The following ASGR1 variants were observed in gnomAD, a reference collection of about 807,000 sequenced individuals.
ASGR1 encodes the protein asialoglycoprotein receptor 1.
A neutral mutation model predicts 33.1 loss-of-function variants in ASGR1; 35 were observed. The ratio of observed to expected loss-of-function variants is 1.06; its 90% CI spans 0.81 to 1.40. The LOEUF (loss-of-function observed/expected upper bound fraction) is 1.40. Ranked by LOEUF, ASGR1 falls within the 40% of genes most tolerant of loss-of-function variation. The pLI is 0.00. For synonymous variants in ASGR1, 142 were observed against 152.5 expected (o/e 0.93, Z 0.51); for missense variants, 396 against 373.7 (o/e 1.06, Z -0.49).
chr17:7,176,178 T>C (rs2069202179), intron 5 of ASGR1, among the ~76,000 whole-genome samples: 2 of 130,848 alleles, frequency 1.5e-5, no homozygotes, highest in South Asian at 2.7e-4. Flanking sequence ...CCCCATCTCA[T>C]TCTCACACTC....
rs548562102 is a variant in ASGR1, at chr17:7,175,346, A to C, written c.356-886T>G. ...CGACACACACAACACACCTTCACCC[A>C]CACACACACACAACACACCCTCACC... On this transcript the variant is annotated intron_variant, in intron 5 of 8. Coordinates refer to ENST00000269299, the MANE Select transcript of ASGR1 (RefSeq NM_001671.5). Among the ~76,000 whole-genome samples the C allele has an allele frequency of 1.4e-4, 19 of 139,480 alleles. No homozygotes were observed. The East Asian group carries it at 3.2e-3, about 24-fold the overall frequency. 91.5% of individuals were successfully genotyped at this position (139,480 alleles called of 152,430 possible). A position where few individuals can be genotyped will look rare whatever the true frequency, so the allele number is the denominator to read the frequency against.
Position 7,177,101 on chromosome 17 carries a change from A to G in ASGR1, c.188-25T>C, listed in dbSNP as rs551873737. On this transcript the variant is annotated intron_variant, in intron 3 of 8. Transcript: ENST00000269299. The stretch of plus-strand genomic sequence containing the variant: ...TCTGGCCAGGACAGCGTGCAGAGAG[A>G]AGAAAACGGGATCGCTGTGTCCGCC... The G allele has an allele frequency of 1.1e-4, 180 of 1,613,610 alleles. 1 individual carries two copies. In the East Asian group the frequency reaches 3.9e-3, roughly 35 times the overall value.
At chr17:7,175,080 C>T (rs1182218396) in intron 5 of ASGR1, among the ~76,000 whole-genome samples, 1 of 149,246 alleles carries the variant, frequency 6.7e-6, no homozygotes, top group Admixed American at 6.7e-5. Context: ...CACCGTAACC[C>T]ACATACACAG....
intron 5 of ASGR1, among the ~76,000 whole-genome samples, chr17:7,175,153 AACACAC>A (rs150561591): frequency 4.1e-5 from 6 of 147,788 alleles, no homozygotes. Flanking sequence ...ACACACACAA[AACACAC>A]ACACAATACA....
chr17:7,177,438 T>C (rs1333350293), intron 2 of ASGR1, 112 bp from the exon 3 acceptor site: 3 of 799,552 alleles, frequency 3.8e-6, no homozygotes, highest in African/African-American at 3.5e-5. Flanking sequence ...GGAGGAACCA[T>C]GTACATGAAG....
rs535062030 is a variant in ASGR1 at position 7,176,282 on chromosome 17, A to G, written c.355+548T>C. ...ATTCTCACACTCACTCACACACCCC[A>G]TCTCATTCTCACACTCACAGACTCA... On this transcript the variant is annotated intron_variant, in intron 5 of 8. Coordinates refer to ENST00000269299, the MANE Select transcript of ASGR1 (RefSeq NM_001671.5). Among the ~76,000 whole-genome samples the G allele has an allele frequency of 3.5e-3, 430 of 122,160 alleles. 4 individuals carry two copies. The highest frequency in any genetic ancestry group is 0.014 in the African/African-American group (411 of 29,080). 80.1% of individuals were successfully genotyped at this position (122,160 alleles called of 152,430 possible). A position where few individuals can be genotyped will look rare whatever the true frequency, so the allele number is the denominator to read the frequency against.
Position 7,174,157 on chromosome 17 carries a change from A to G in ASGR1, c.575T>C (p.Val192Ala). 6.2e-7 allele frequency: 1 copy of G among 1,614,040 alleles called. No homozygotes were observed. Among genetic ancestry groups the G allele is most frequent in the Non-Finnish European group, 8.5e-7 (1 of 1,179,978 alleles). ...CCTCACCTGCTCCTCCCAGGACGTG[A>G]CCACCACCAGGTGCGCGTCCTCCAG... ...CRLEDAHLVV[V>A]TSWEEQKFVQ... The change falls in exon 7 of 9, where the codon GTC (valine) becomes GCC (alanine). Residue 192 changes from valine to alanine, a missense_variant. Transcript: ENST00000269299.
In ASGR1 at chr17:7,176,175, TCA is replaced by T. The variant is rs1356379810; in HGVS notation, c.355+653_355+654del. Among the ~76,000 whole-genome samples the T allele has an allele frequency of 2.9e-5, 4 of 138,890 alleles. No individual in the cohort carries two copies. The South Asian group carries it at 9.7e-4, about 34-fold the overall frequency. The allele number at this position is 138,890 out of a possible 152,430, so 91.1% of individuals were successfully genotyped here. A position where few individuals can be genotyped will look rare whatever the true frequency, so the allele number is the denominator to read the frequency against. ...CTCACACACAGACACACACCCCATC[TCA>T]TTCTCACACTCACACACACCCCATC... On this transcript the variant is annotated intron_variant, in intron 5 of 8. Transcript: ENST00000269299.
chr17:7,177,244 C>A lies in ASGR1; in HGVS notation c.153G>T (p.Leu51=), dbSNP rs368983212. The A allele has an allele frequency of 6.8e-6, 11 of 1,613,478 alleles. No homozygotes were observed. The highest frequency in any genetic ancestry group is 9.3e-6 in the Non-Finnish European group (11 of 1,179,956). The part of the protein sequence containing the change: ...LLLLSLGLSL[L]LLVVVCVIGS... ...CGATCACACAGACAACCACAAGCAG[C>A]AGGAGGCTGAGGCCCAGGGAGAGCA... Residue 51 remains leucine (L), a synonymous_variant, in exon 3 of 9, where the codon CTG becomes CTT. Transcript: ENST00000269299.
At chr17:7,174,321 G>A (rs2069168686) in intron 6 of ASGR1, 32 bp from the exon 7 acceptor site, 1 of 1,613,616 alleles carries the variant, frequency 6.2e-7, no homozygotes, top group African/African-American at 1.3e-5. Flanking sequence ...CAGGGGCTAA[G>A]CGCTGCCCAG....
intron 5 of ASGR1, among the ~76,000 whole-genome samples, chr17:7,175,782 C>G (rs1483199545): frequency 2.9e-5 from 4 of 139,088 alleles, no homozygotes; most frequent in Non-Finnish European, 5.9e-5. Flanking sequence ...CACACAGGCT[C>G]TCACACACAC....
In ASGR1 at chr17:7,173,599, C is replaced by CAGAT. The variant is rs1164504900; in HGVS notation, c.*56_*59dup. ...TTCCCGAGAAAGCAGAAGAGGCCCC[C>CAGAT]AGATGGGCGGATTCCCAATCCCGGA... On this transcript the variant is annotated 3_prime_UTR_variant, in exon 9 of 9. Coordinates refer to ENST00000269299, the MANE Select transcript of ASGR1 (RefSeq NM_001671.5). The surrounding 1 kb of genome is among the most constrained non-coding windows in gnomAD (Gnocchi z 4.7). The CAGAT allele has an allele frequency of 1.2e-6, 2 of 1,604,984 alleles. No homozygotes were observed. Among genetic ancestry groups the CAGAT allele is most frequent in the Non-Finnish European group, 1.7e-6 (2 of 1,176,396 alleles).
chr17:7,177,412 C>T lies in ASGR1; in HGVS notation c.71-86G>A, dbSNP rs546423057. The T allele has an allele frequency of 2.1e-4, 230 of 1,116,638 alleles. 1 individual carries two copies. Among genetic ancestry groups the T allele is most frequent in the East Asian group, 2.0e-3 (79 of 40,488 alleles). 69.2% of individuals were successfully genotyped at this position (1,116,638 alleles called of 1,614,324 possible). ...GTCCTAAAAGGGTAGCAAGCTAAGGCGGCCCTAGTAGTCTAGGAGGAACCA... is the reference window on the plus strand; with the variant it reads ...GTCCTAAAAGGGTAGCAAGCTAAGGTGGCCCTAGTAGTCTAGGAGGAACCA... On this transcript the variant is annotated intron_variant, in intron 2 of 8. Coordinates refer to ENST00000269299, the MANE Select transcript of ASGR1 (RefSeq NM_001671.5).
Position 7,178,733 on chromosome 17 carries a change from C to CTTTTTTTTTTTTTTTTTTT in ASGR1, c.-25-146_-25-145insAAAAAAAAAAAAAAAAAAA, listed in dbSNP as rs1037452405. On this transcript the variant is annotated intron_variant, in intron 1 of 8. Coordinates refer to ENST00000269299, the MANE Select transcript of ASGR1 (RefSeq NM_001671.5). ...TCTTTCTTTTCTTTTTCTTTTTTTT[C>CTTTTTTTTTTTTTTTTTTT]TTTTCTTTTTTTTTTTTTTTTTGAG... 1.0e-4 allele frequency: 20 copies of CTTTTTTTTTTTTTTTTTTT among 193,100 alleles called. 2 individuals are homozygous for CTTTTTTTTTTTTTTTTTTT. The highest frequency in any genetic ancestry group is 2.1e-4 in the African/African-American group (5 of 24,328). 12.0% of individuals were successfully genotyped at this position (193,100 alleles called of 1,614,324 possible).
chr17:7,177,129 C>A, intron 3 of ASGR1, 53 bp from the exon 4 acceptor site: 1 of 1,612,906 alleles, frequency 6.2e-7, no homozygotes, highest in Non-Finnish European at 8.5e-7. Context: ...TGTCCGCCAC[C>A]ACTGCACCCA....
Position 7,176,860 on chromosome 17 carries a change from G to A in ASGR1, c.325C>T (p.Leu109=), listed in dbSNP as rs1015563071. The A allele has an allele frequency of 1.2e-6, 2 of 1,612,660 alleles. No homozygotes were observed. Among genetic ancestry groups the A allele is most frequent in the Non-Finnish European group, 8.5e-7 (1 of 1,179,942 alleles). The part of the protein sequence containing the change: ...GRKMKSLESQ[L]EKQQKDLSED... ...CTCAGGTCCTTCTGCTGTTTCTCCAGCTGGGACTCTAGCGACTTCATCTTT... is the reference window on the plus strand; with the variant it reads ...CTCAGGTCCTTCTGCTGTTTCTCCAACTGGGACTCTAGCGACTTCATCTTT... Residue 109 remains leucine (L), a synonymous_variant, in exon 5 of 9, where the codon CTG becomes TTG. Transcript: ENST00000269299.
In ASGR1 at chr17:7,174,269, G is replaced by A. The variant is rs2069168039; in HGVS notation, c.463C>T (p.Pro155Ser). 6.2e-7 allele frequency: 1 copy of A among 1,614,084 alleles called. No individual in the cohort carries two copies. The highest frequency in any genetic ancestry group is 8.5e-7 in the Non-Finnish European group (1 of 1,179,960). The change falls in exon 7 of 9, where the codon CCG becomes TCG. Residue 155 changes from proline (P) to serine (S), a missense_variant. Physicochemically the swap from Pro to Ser is moderately conservative, Grantham distance 74. Transcript: ENST00000269299. ...QGNGSERTCCPVNWVEHERSC... is the reference protein window; with the variant it reads ...QGNGSERTCCSVNWVEHERSC... ...CGCTCGTGCTCCACCCAGTTGACCG[G>A]GCAGCAGGTCCTTTCTGAGCCTGAG...
Position 7,178,492 on chromosome 17 carries a change from A to G in ASGR1, c.70+2T>C. The G allele has an allele frequency of 6.2e-7, 1 of 1,613,914 alleles. No individual in the cohort carries two copies. ...GCAGAGGCAGGGCAAGGTGGCCCTC[A>G]CCTTTTCTGAGCTGATGGTGGTCAC... On this transcript the variant is annotated splice_donor_variant, in intron 2 of 8. Coordinates refer to ENST00000269299, the MANE Select transcript of ASGR1 (RefSeq NM_001671.5). LOFTEE classifies it high-confidence loss of function.
At position 7,174,166 on chromosome 17, in the gene ASGR1, A is replaced by G; in HGVS notation, c.566T>C (p.Leu189Pro). ...DNYCRLEDAH[L>P]VVVTSWEEQK... is the part of the protein sequence containing the mutation. ...CTCCTCCCAGGACGTGACCACCACC[A>G]GGTGCGCGTCCTCCAGCCGGCAGTA... Residue 189 changes from leucine to proline, a missense_variant, in exon 7 of 9, where the codon CTG becomes CCG. Coordinates refer to ENST00000269299, the MANE Select transcript of ASGR1 (RefSeq NM_001671.5). 3 of 1,614,124 alleles carry G rather than the reference A, an allele frequency of 1.9e-6. No individual in the cohort carries two copies. The highest frequency in any genetic ancestry group is 2.5e-6 in the Non-Finnish European group (3 of 1,180,000).
Sources: allele counts gnomAD v4.1 joint callset (sites outside exome capture counted in the v4.1 genomes callset), GRCh38; gene constraint gnomAD v4.1.1; non-coding constraint Gnocchi (gnomAD v3.1); transcripts MANE v1.5; gene names NCBI Gene and HGNC (gene_info 2026-07-23, HGNC 2026-07-21).